ETV6: variants seen among roughly 807,000 people sequenced by gnomAD.
ETV6 encodes ETS variant transcription factor 6, also known as transcription factor ETV6.
Under a neutral mutation model 51.1 loss-of-function variants are expected in ETV6, and 16 were observed. The ratio of observed to expected loss-of-function variants is 0.31; its 90% CI spans 0.21 to 0.48. The LOEUF is 0.48. Among genes scored for constraint, ETV6 ranks in the 20% least tolerant of loss-of-function variants. The pLI is 0.99. For synonymous variants in ETV6, 240 were observed against 224.1 expected, an observed-to-expected ratio of 1.07 and a Z score of -0.64; for missense variants, 458 against 594.8, an observed-to-expected ratio of 0.77 and a Z score of 2.39.
intron 2 of ETV6, among the ~76,000 whole-genome samples, chr12:11,827,906 T>C (rs772013819): frequency 8.5e-5 from 13 of 152,250 alleles, no homozygotes; most frequent in East Asian, 1.9e-4. Context: ...ATCCATGTTC[T>C]GTGAATCATG....
At chr12:11,808,528 A>G (rs747293042) in intron 2 of ETV6, among the ~76,000 whole-genome samples, 2 of 152,230 alleles carry the variant, frequency 1.3e-5, no homozygotes, top group Admixed American at 6.5e-5. Context: ...TAGCATTTAC[A>G]TTGTATTCGT....
intron 1 of ETV6, among the ~76,000 whole-genome samples, chr12:11,663,260 C>T (rs1006545776): frequency 2.0e-5 from 3 of 152,196 alleles, no homozygotes; most frequent in African/African-American, 7.2e-5. Flanking sequence ...AAGGCTCAAG[C>T]TTAAGCACCA....
chr12:11,856,181 G>A (rs568137640), intron 4 of ETV6, among the ~76,000 whole-genome samples: 179 of 152,298 alleles, frequency 1.2e-3, no homozygotes, highest in African/African-American at 4.0e-3. Context: ...AATAGAGAAA[G>A]CTGGCTTACT....
At chr12:11,719,662 C>T (rs1865344675) in intron 1 of ETV6, among the ~76,000 whole-genome samples, 1 of 152,124 alleles carries the variant, frequency 6.6e-6, no homozygotes, top group East Asian at 1.9e-4. Context: ...TGGGCTGTGG[C>T]GTCTTTTGGG....
intron 1 of ETV6, among the ~76,000 whole-genome samples, chr12:11,697,829 T>TA (rs1864905949): frequency 6.6e-6 from 1 of 152,186 alleles, no homozygotes; most frequent in Admixed American, 6.6e-5. Flanking sequence ...GTGGGCTGTC[T>TA]AATCTGGGCA....
intron 1 of ETV6, among the ~76,000 whole-genome samples, chr12:11,715,502 C>G (rs1039205416): frequency 3.9e-5 from 6 of 152,130 alleles, no homozygotes; most frequent in Non-Finnish European, 5.9e-5. Context: ...ACCCAAAACT[C>G]AAGGAGGTAA....
chr12:11,745,477 A>G (rs1232614418), intron 1 of ETV6, among the ~76,000 whole-genome samples: 3 of 152,080 alleles, frequency 2.0e-5, no homozygotes, highest in African/African-American at 7.2e-5. Flanking sequence ...TCCTTCCTAT[A>G]TTTGAAGACA....
chr12:11,724,893 C>G (rs978576033), intron 1 of ETV6, among the ~76,000 whole-genome samples: 1 of 152,204 alleles, frequency 6.6e-6, no homozygotes, highest in South Asian at 2.1e-4. Flanking sequence ...TAAATCGCAA[C>G]AGAGTTTCGG....
intron 1 of ETV6, among the ~76,000 whole-genome samples, chr12:11,727,550 G>A (rs1054837878): frequency 6.6e-6 from 1 of 152,250 alleles, no homozygotes; most frequent in African/African-American, 2.4e-5. Flanking sequence ...AGAAGAAGAA[G>A]TAAGACCTAA....
At chr12:11,678,465 G>A (rs1864462711) in intron 1 of ETV6, among the ~76,000 whole-genome samples, 1 of 152,184 alleles carries the variant, frequency 6.6e-6, no homozygotes, top group African/African-American at 2.4e-5. Flanking sequence ...TCACATGGCA[G>A]CACTTTTTTC....
chr12:11,814,671 T>C (rs1349204545), intron 2 of ETV6, among the ~76,000 whole-genome samples: 1 of 152,184 alleles, frequency 6.6e-6, no homozygotes, highest in Non-Finnish European at 1.5e-5. Context: ...TCTCTCAGGC[T>C]TTGTGAGATG....
intron 2 of ETV6, among the ~76,000 whole-genome samples, chr12:11,790,931 T>G (rs1219578901): frequency 6.6e-6 from 1 of 152,132 alleles, no homozygotes; most frequent in East Asian, 1.9e-4. Context: ...TCTGCCCACC[T>G]TGGCCTCCCA....
intron 2 of ETV6, among the ~76,000 whole-genome samples, chr12:11,768,134 T>C (rs987113449): frequency 6.6e-6 from 1 of 152,206 alleles, no homozygotes. Flanking sequence ...ATTCTTTTTT[T>C]TTTTAATGTG....
At chr12:11,750,999 G>A (rs1021065063) in intron 1 of ETV6, among the ~76,000 whole-genome samples, 1 of 152,036 alleles carries the variant, frequency 6.6e-6, no homozygotes, top group Non-Finnish European at 1.5e-5. Context: ...ATATGTGCCT[G>A]CCCTTCATTA....
At chr12:11,668,739 T>C (rs1379755833) in intron 1 of ETV6, among the ~76,000 whole-genome samples, 4 of 152,188 alleles carry the variant, frequency 2.6e-5, no homozygotes, top group Non-Finnish European at 5.9e-5. Context: ...GAAGAAATTT[T>C]CCCCCTGTGG....
chr12:11,767,010 T>C (rs545266203), intron 2 of ETV6, among the ~76,000 whole-genome samples: 9 of 152,312 alleles, frequency 5.9e-5, no homozygotes, highest in African/African-American at 1.7e-4. Flanking sequence ...GATGATGCCT[T>C]AGGAACTAAA....
chr12:11,816,821 G>A (rs925820503), intron 2 of ETV6, among the ~76,000 whole-genome samples: 2 of 152,278 alleles, frequency 1.3e-5, no homozygotes, highest in African/African-American at 4.8e-5. Flanking sequence ...TTGACAATTT[G>A]AAATAAACTC....
intron 1 of ETV6, among the ~76,000 whole-genome samples, chr12:11,737,029 G>C (rs1264869481): frequency 1.3e-5 from 2 of 152,206 alleles, no homozygotes; most frequent in African/African-American, 4.8e-5. Context: ...TCCCCCCTGG[G>C]TGTGTGGGAG....
rs3837435 is a variant in ETV6 at position 11,770,901 on chromosome 12, TA to T, written c.163+18333del. Among the ~76,000 whole-genome samples the T allele has an allele frequency of 3.7e-3, 541 of 146,500 alleles. 2 individuals carry two copies. Among genetic ancestry groups the T allele is most frequent in the African/African-American group, 0.011 (430 of 39,894 alleles). On this transcript the variant is annotated intron_variant, in intron 2 of 7. Coordinates refer to ENST00000396373, the MANE Select transcript of ETV6 (RefSeq NM_001987.5). ...AACAACAGAGCAAGACCCCATCTCT[TA>T]AAAAAAAAAAGGAAAAATGCCTATG...
Sources: gnomAD v4.1 joint callset for allele counts (sites outside exome capture counted in the v4.1 genomes callset) on GRCh38, gnomAD v4.1.1 for gene constraint, MANE v1.5 for transcripts, NCBI Gene and HGNC (gene_info 2026-07-23, HGNC 2026-07-21) for gene names.